Variants in ADGRL3 observed in about 807,000 individuals in gnomAD.
The protein encoded by ADGRL3 is adhesion G protein-coupled receptor L3.
In ADGRL3, 62 loss-of-function variants were observed where a neutral mutation model predicts 153.5. The ratio of observed to expected loss-of-function variants is 0.40; its 90% CI spans 0.33 to 0.50. ADGRL3 has a LOEUF of 0.50. Ranked by LOEUF, ADGRL3 falls within the 20% of genes least tolerant of loss-of-function variation. The pLI is 0.47. For synonymous variants in ADGRL3, 710 were observed against 672.5 expected (o/e 1.06, Z -0.86); for missense variants, 1,641 against 1,859.4 (o/e 0.88, Z 2.16).
At chr4:61,556,568 G>T (rs1208581971) in intron 4 of ADGRL3, among the ~76,000 whole-genome samples, 1 of 152,066 alleles carries the variant, frequency 6.6e-6, no homozygotes, top group Non-Finnish European at 1.5e-5. Flanking sequence ...CCTGCACTAT[G>T]GACAACAATT....
At chr4:61,385,716 A>G (rs143491474) in intron 2 of ADGRL3, 2 of 152,214 alleles carry the variant, frequency 1.3e-5, no homozygotes, top group African/African-American at 4.8e-5. Context: ...TGTAAAAAGG[A>G]TGATTGCCTG....
intron 8 of ADGRL3, among the ~76,000 whole-genome samples, chr4:61,791,615 T>G (rs1421734765): frequency 6.6e-6 from 1 of 152,220 alleles, no homozygotes; most frequent in African/African-American, 2.4e-5. Context: ...ACAGCTCCAC[T>G]AGGCAGTGTC....
chr4:61,584,655 A>G (rs1057210390), intron 4 of ADGRL3, among the ~76,000 whole-genome samples: 1 of 152,112 alleles, frequency 6.6e-6, no homozygotes, highest in African/African-American at 2.4e-5. Context: ...AGCAGTTTCA[A>G]TGTGATTTTT....
At chr4:62,049,263 G>A (rs1732835004) in intron 25 of ADGRL3, among the ~76,000 whole-genome samples, 2 of 151,992 alleles carry the variant, frequency 1.3e-5, no homozygotes, top group African/African-American at 4.8e-5. Context: ...CAATTTGAGT[G>A]GTAGAATTAG....
chr4:62,028,008 A>G (rs989816736), intron 21 of ADGRL3, among the ~76,000 whole-genome samples: 3 of 151,822 alleles, frequency 2.0e-5, no homozygotes, highest in African/African-American at 7.2e-5. Context: ...TTCAAAATAC[A>G]TCACAGTTGC....
chr4:61,696,931 C>T (rs571792006), intron 6 of ADGRL3, among the ~76,000 whole-genome samples: 5 of 152,162 alleles, frequency 3.3e-5, no homozygotes, highest in African/African-American at 1.2e-4. Context: ...CCAGCCTCAG[C>T]CTCCTAAAGT....
intron 5 of ADGRL3, among the ~76,000 whole-genome samples, chr4:61,645,547 C>T (rs1374370814): frequency 6.6e-6 from 1 of 151,990 alleles, no homozygotes; most frequent in East Asian, 1.9e-4. Flanking sequence ...ACTTATGAAG[C>T]TTAGTTTGGC....
chr4:61,314,785 A>G (rs1179590178), intron 1 of ADGRL3, among the ~76,000 whole-genome samples: 1 of 152,208 alleles, frequency 6.6e-6, no homozygotes, highest in African/African-American at 2.4e-5. Flanking sequence ...AGTACAGTTC[A>G]GGAAGGCTGC....
At chr4:61,455,470 A>T (rs913876433) in intron 2 of ADGRL3, among the ~76,000 whole-genome samples, 2 of 152,124 alleles carry the variant, frequency 1.3e-5, no homozygotes, top group African/African-American at 4.8e-5. Flanking sequence ...TTTATTCAAG[A>T]AGTTTCCTCA....
At chr4:61,593,410 T>G (rs2098977314) in intron 5 of ADGRL3, among the ~76,000 whole-genome samples, 1 of 152,072 alleles carries the variant, frequency 6.6e-6, no homozygotes, top group Non-Finnish European at 1.5e-5. Context: ...TTCAGGTGAT[T>G]TCTTATTGCT....
rs558183232 is a variant in ADGRL3, at chr4:61,252,018, G to C, written c.-240+50253G>C. ...TCTGCCTCAGCCTCCCGAGTGGCTGGGATTACAGGCACCTGCCACCATGCC... is the reference window on the plus strand; with the variant it reads ...TCTGCCTCAGCCTCCCGAGTGGCTGCGATTACAGGCACCTGCCACCATGCC... On this transcript the variant is annotated intron_variant, in intron 1 of 26. Coordinates refer to ENST00000683033, the MANE Select transcript of ADGRL3 (RefSeq NM_001387552.1). Among the ~76,000 whole-genome samples, 3 of 151,806 alleles carry C rather than the reference G, an allele frequency of 2.0e-5. No individual in the cohort carries two copies. The South Asian group carries it at 6.2e-4, about 32-fold the overall frequency.
At chr4:61,357,321 T>A (rs2096193803) in intron 1 of ADGRL3, among the ~76,000 whole-genome samples, 1 of 152,288 alleles carries the variant, frequency 6.6e-6, no homozygotes, top group Non-Finnish European at 1.5e-5. Context: ...ATAATTATAA[T>A]TTAAAAATGT....
At chr4:61,398,244 T>G (rs1299316166) in intron 2 of ADGRL3, among the ~76,000 whole-genome samples, 1 of 151,702 alleles carries the variant, frequency 6.6e-6, no homozygotes, top group African/African-American at 2.4e-5. Flanking sequence ...TTTTGAAACT[T>G]TAAAAAGAAA....
chr4:61,709,075 C>T (rs1463470186), intron 6 of ADGRL3, among the ~76,000 whole-genome samples: 1 of 152,074 alleles, frequency 6.6e-6, no homozygotes, highest in Non-Finnish European at 1.5e-5. Context: ...TCCCAAAGTG[C>T]TGGGATTCAA....
intron 13 of ADGRL3, among the ~76,000 whole-genome samples, chr4:61,930,987 AGGT>A (rs1183187342): frequency 1.3e-5 from 2 of 152,176 alleles, no homozygotes; most frequent in African/African-American, 4.8e-5. Context: ...ATCCAAATAT[AGGT>A]ATTCATTGAG....
intron 9 of ADGRL3, among the ~76,000 whole-genome samples, chr4:61,848,224 A>C (rs2098160888): frequency 6.8e-6 from 1 of 146,910 alleles, no homozygotes; most frequent in African/African-American, 2.5e-5. Context: ...CATGTGCATT[A>C]GTTTCCAAGG....
At chr4:61,289,449 A>G (rs2094084898) in intron 1 of ADGRL3, among the ~76,000 whole-genome samples, 1 of 152,038 alleles carries the variant, frequency 6.6e-6, no homozygotes, top group South Asian at 2.1e-4. Context: ...TTAGAAGACT[A>G]TTAACATACT....
At chr4:61,514,898 T>C (rs2098483641) in intron 3 of ADGRL3, among the ~76,000 whole-genome samples, 1 of 152,182 alleles carries the variant, frequency 6.6e-6, no homozygotes, top group African/African-American at 2.4e-5. Context: ...GGCACTATTA[T>C]ACTGTTTAGC....
intron 8 of ADGRL3, 127 bp from the exon 9 acceptor site, chr4:61,813,682 A>C: frequency 9.8e-7 from 1 of 1,016,014 alleles, no homozygotes; most frequent in South Asian, 1.8e-5. Flanking sequence ...TTGGGCAGAT[A>C]TGTCTACTCT....
Sources: allele counts gnomAD v4.1 joint callset (sites outside exome capture counted in the v4.1 genomes callset), GRCh38; gene constraint gnomAD v4.1.1; transcripts MANE v1.5; gene names NCBI Gene and HGNC (gene_info 2026-07-23, HGNC 2026-07-21).